The following RPH3A variants were observed in gnomAD, a reference collection of about 807,000 sequenced individuals.
RPH3A encodes rabphilin-3A.
RPH3A carries 48 observed loss-of-function variants against 102.2 expected under a neutral mutation model. That is an observed-to-expected ratio of 0.47 (90% CI 0.37 to 0.60). RPH3A has a LOEUF of 0.60. Among genes scored for constraint, RPH3A ranks in the 20% least tolerant of loss-of-function variants. The pLI, the probability that RPH3A is intolerant of heterozygous loss-of-function variation, is 0.00. For missense variants in RPH3A, 781 were observed against 910.1 expected, an observed-to-expected ratio of 0.86 and a Z score of 1.83; for synonymous variants, 310 against 324.3, an observed-to-expected ratio of 0.96 and a Z score of 0.47.
chr12:112,759,049 C>A (rs190849857), intron 1 of RPH3A, among the ~76,000 whole-genome samples: 1 of 152,298 alleles, frequency 6.6e-6, no homozygotes, highest in East Asian at 1.9e-4. Context: ...ACTTTTTGTG[C>A]CCCAGTTTAG....
intron 1 of RPH3A, among the ~76,000 whole-genome samples, chr12:112,658,956 A>T (rs1187995112): frequency 6.6e-6 from 1 of 152,206 alleles, no homozygotes; most frequent in Non-Finnish European, 1.5e-5. Context: ...ACTTTATACC[A>T]GGCACTGTGC....
At chr12:112,866,487 G>T (rs1369367684) in intron 6 of RPH3A, among the ~76,000 whole-genome samples, 2 of 152,140 alleles carry the variant, frequency 1.3e-5, no homozygotes, top group African/African-American at 4.8e-5. Flanking sequence ...GTATGTCAGT[G>T]ATCTCCCCAG....
At chr12:112,679,248 G>A (rs535688579) in intron 1 of RPH3A, among the ~76,000 whole-genome samples, 2 of 152,122 alleles carry the variant, frequency 1.3e-5, no homozygotes, top group African/African-American at 2.4e-5. Context: ...CTGCCTCCTG[G>A]GTTCAAGTGA....
upstream of RPH3A, among the ~76,000 whole-genome samples, chr12:112,789,195 A>ATG (rs1001480910): frequency 2.6e-5 from 4 of 152,144 alleles, no homozygotes; most frequent in Non-Finnish European, 5.9e-5. Flanking sequence ...AGGGTTTCCT[A>ATG]TGTGCCTGGG....
At position 112,619,241 on chromosome 12, in the gene RPH3A, T is replaced by C. The variant is rs116682386; in HGVS notation, c.-140+43922T>C. ...ACCCAGGAATGGAATTGCCTTATGG[T>C]AATTCTGTGTGTGTGTGTGTGTGTG... On this transcript the variant is annotated intron_variant, in intron 1 of 21. Coordinates refer to the RPH3A transcript ENST00000543106. Among the ~76,000 whole-genome samples the C allele has an allele frequency of 7.9e-3, 1,164 of 146,930 alleles. 20 individuals carry two copies. Among genetic ancestry groups the C allele is most frequent in the African/African-American group, 0.029 (1,124 of 39,320 alleles).
At chr12:112,778,944 C>T (rs1314888040) in intron 1 of RPH3A, among the ~76,000 whole-genome samples, 1 of 152,158 alleles carries the variant, frequency 6.6e-6, no homozygotes, top group Admixed American at 6.5e-5. Context: ...GCATCAGCTC[C>T]ACCCAAACCT....
chr12:112,883,661 G>T (rs564002621), intron 16 of RPH3A, among the ~76,000 whole-genome samples: 13 of 152,048 alleles, frequency 8.5e-5, no homozygotes, highest in African/African-American at 2.7e-4. Flanking sequence ...GGGATGGTGC[G>T]TGTGTGGGTG....
rs1565857299 is a variant in RPH3A, at chr12:112,713,027, T to TC, written c.-139-79115dup. 5.5e-3 allele frequency among the ~76,000 whole-genome samples: 379 copies of TC among 69,012 alleles called. 12 individuals carry two copies. Among genetic ancestry groups the TC allele is most frequent in the Middle Eastern group, 0.012 (2 of 168 alleles). The allele number at this position is 69,012 out of a possible 152,430, so 45.3% of individuals were successfully genotyped here. A position where few individuals can be genotyped will look rare whatever the true frequency, so the allele number is the denominator to read the frequency against. On this transcript the variant is annotated intron_variant, in intron 1 of 21. Coordinates refer to the RPH3A transcript ENST00000543106. ...TTCCTCTTCCTCTTCCTCTTCCTCT[T>TC]CTTCTTCTTCTTCTTCTTCTTCTCC...
At chr12:112,643,162 C>T (rs1019425905) in intron 1 of RPH3A, among the ~76,000 whole-genome samples, 1 of 152,296 alleles carries the variant, frequency 6.6e-6, no homozygotes, top group South Asian at 2.1e-4. Context: ...AGCCTGGCTC[C>T]CGAATCTGTG....
intron 1 of RPH3A, among the ~76,000 whole-genome samples, chr12:112,778,343 T>G (rs1287641712): frequency 6.6e-6 from 1 of 152,222 alleles, no homozygotes. Context: ...TTTTTTCTCT[T>G]TAATCCTTCT....
intron 13 of RPH3A, among the ~76,000 whole-genome samples, chr12:112,877,287 T>C (rs749424918): frequency 4.6e-5 from 7 of 152,198 alleles, no homozygotes; most frequent in Middle Eastern, 3.2e-3. Context: ...CTTCTAAAAG[T>C]AATTTATTAA....
intron 1 of RPH3A, among the ~76,000 whole-genome samples, chr12:112,666,834 G>A (rs895921579): frequency 6.6e-6 from 1 of 152,170 alleles, no homozygotes; most frequent in Non-Finnish European, 1.5e-5. Flanking sequence ...AACTCTTAAT[G>A]TCATTGTTAC....
At chr12:112,710,947 G>A (rs1182301917) in intron 1 of RPH3A, among the ~76,000 whole-genome samples, 1 of 152,164 alleles carries the variant, frequency 6.6e-6, no homozygotes, top group Admixed American at 6.5e-5. Context: ...ATAAGTGAAT[G>A]AAACAATTCA....
chr12:112,841,576 A>G (rs1260494420), intron 4 of RPH3A, among the ~76,000 whole-genome samples: 1 of 152,212 alleles, frequency 6.6e-6, no homozygotes, highest in Non-Finnish European at 1.5e-5. Context: ...TGATACAAAT[A>G]TTATTAACTC....
chr12:112,894,506 G>A (rs2043148152), intron 19 of RPH3A, 72 bp from the exon 20 acceptor site: 11 of 1,313,054 alleles, frequency 8.4e-6, no homozygotes, highest in Middle Eastern at 1.8e-4. Context: ...ATAAAGAAGG[G>A]GCCTTTGGGG....
chr12:112,700,906 A>C (rs921355331), intron 1 of RPH3A, among the ~76,000 whole-genome samples: 1 of 151,964 alleles, frequency 6.6e-6, no homozygotes, highest in African/African-American at 2.4e-5. Flanking sequence ...TGATCCCTTC[A>C]TCTCCATCCC....
At chr12:112,595,195 G>A (rs1459704195) in intron 1 of RPH3A, among the ~76,000 whole-genome samples, 2 of 152,170 alleles carry the variant, frequency 1.3e-5, no homozygotes. Context: ...ATGGCTATGA[G>A]TTAATTCATG....
At chr12:112,655,079 T>C (rs1391341096) in intron 1 of RPH3A, among the ~76,000 whole-genome samples, 1 of 152,208 alleles carries the variant, frequency 6.6e-6, no homozygotes. Flanking sequence ...TTGAAGGCCA[T>C]GGCTTGAAGG....
chr12:112,657,649 T>C (rs1485645821), intron 1 of RPH3A, among the ~76,000 whole-genome samples: 1 of 152,230 alleles, frequency 6.6e-6, no homozygotes, highest in Non-Finnish European at 1.5e-5. Flanking sequence ...TGTAGGTTTT[T>C]GTGGTCCATC....
Sources: gnomAD v4.1 joint callset for allele counts (sites outside exome capture counted in the v4.1 genomes callset) on GRCh38, gnomAD v4.1.1 for gene constraint, MANE v1.5 for transcripts, NCBI Gene and HGNC (gene_info 2026-07-23, HGNC 2026-07-21) for gene names.